Variants in SHISA6 observed in about 807,000 individuals in gnomAD.
The protein encoded by SHISA6 is shisa family member 6.
SHISA6 carries 22 observed loss-of-function variants against 47.9 expected under a neutral mutation model. The observed-to-expected ratio is 0.46, with a 90% CI of 0.33 to 0.66. The LOEUF is 0.66. SHISA6 is among the 30% of genes least tolerant of loss of function. The probability of loss-of-function intolerance (pLI) is 0.02; values close to 1 mark genes in which losing one functional copy is unlikely to be tolerated. For missense variants in SHISA6, 680 were observed against 764.6 expected, an observed-to-expected ratio of 0.89 and a Z score of 1.30; for synonymous variants, 388 against 337.8, an observed-to-expected ratio of 1.15 and a Z score of -1.63.
chr17:11,496,112 C>T (rs905222391), intron 3 of SHISA6, among the ~76,000 whole-genome samples: 2 of 152,182 alleles, frequency 1.3e-5, no homozygotes, highest in African/African-American at 4.8e-5. Flanking sequence ...AGTCTACTTG[C>T]AACTACACTT....
intron 3 of SHISA6, among the ~76,000 whole-genome samples, chr17:11,382,476 C>G (rs1462416967): frequency 6.6e-6 from 1 of 152,178 alleles, no homozygotes. Flanking sequence ...TCAGAGCAAA[C>G]TAAGTTCAAC....
At chr17:11,473,628 T>C (rs3111845) in intron 3 of SHISA6, among the ~76,000 whole-genome samples, 40,095 of 151,986 alleles carry the variant, frequency 0.26, 5,313 homozygotes, top group Admixed American at 0.3. Flanking sequence ...ATATATATCA[T>C]ATATTTATAT....
intron 2 of SHISA6, among the ~76,000 whole-genome samples, chr17:11,302,690 T>C (rs1048195616): frequency 5.9e-5 from 9 of 152,138 alleles, no homozygotes; most frequent in Non-Finnish European, 1.0e-4. Flanking sequence ...GCTTCCAACA[T>C]TGGAAGTCCT....
rs201214657 is a variant in SHISA6, at chr17:11,511,458, AAAAT to A, written c.896-40430_896-40427del. ...CCCAGAACTTAAAGTAAATTTTTAA[AAAAT>A]AAATAAACTGAATGAATAAATAACT... On this transcript the variant is annotated intron_variant, in intron 3 of 5. Transcript: ENST00000441885. 9.5e-3 allele frequency among the ~76,000 whole-genome samples: 1,451 copies of A among 152,284 alleles called. 27 individuals are homozygous for A. The highest frequency in any genetic ancestry group is 0.031 in the African/African-American group (1,303 of 41,546).
chr17:11,521,022 C>A (rs961455662), intron 3 of SHISA6, among the ~76,000 whole-genome samples: 8 of 152,202 alleles, frequency 5.3e-5, no homozygotes, highest in Non-Finnish European at 2.9e-5. Context: ...GCAATAAATA[C>A]TTGCTTGACA....
At chr17:11,466,422 C>G (rs946173265) in intron 3 of SHISA6, among the ~76,000 whole-genome samples, 1 of 152,122 alleles carries the variant, frequency 6.6e-6, no homozygotes, top group Admixed American at 6.5e-5. Context: ...CCAAGGTCCC[C>G]CAGTGGGCCC....
At chr17:11,329,619 G>A (rs968694625) in intron 2 of SHISA6, among the ~76,000 whole-genome samples, 2 of 152,044 alleles carry the variant, frequency 1.3e-5, no homozygotes, top group Non-Finnish European at 2.9e-5. Context: ...TTAGGTAAGG[G>A]TAGAGTTTGG....
chr17:11,245,052 G>A (rs897477970), intron 1 of SHISA6, among the ~76,000 whole-genome samples: 1 of 152,184 alleles, frequency 6.6e-6, no homozygotes, highest in Non-Finnish European at 1.5e-5. Flanking sequence ...CCTTCAGGGA[G>A]GAAGATATTT....
chr17:11,356,402 T>C (rs1912081079), intron 2 of SHISA6, among the ~76,000 whole-genome samples: 1 of 152,204 alleles, frequency 6.6e-6, no homozygotes, highest in Non-Finnish European at 1.5e-5. Context: ...CCAGAGCTGC[T>C]GTTTAGCAGA....
intron 3 of SHISA6, among the ~76,000 whole-genome samples, chr17:11,534,313 T>C (rs2071767065): frequency 1.3e-5 from 2 of 152,024 alleles, no homozygotes; most frequent in Non-Finnish European, 2.9e-5. Flanking sequence ...CGGCCTATTC[T>C]AACATTTTGA....
intron 2 of SHISA6, among the ~76,000 whole-genome samples, chr17:11,328,275 C>T (rs1400479940): frequency 6.6e-6 from 1 of 152,192 alleles, no homozygotes; most frequent in African/African-American, 2.4e-5. Context: ...CCTCTGTGGG[C>T]TTTGATCCCA....
intron 2 of SHISA6, among the ~76,000 whole-genome samples, chr17:11,368,961 T>C (rs1273560113): frequency 2.6e-5 from 4 of 152,204 alleles, no homozygotes; most frequent in Non-Finnish European, 5.9e-5. Flanking sequence ...GGCCGAATTA[T>C]TGTACTTAAT....
At chr17:11,325,604 T>C (rs1009613866) in intron 2 of SHISA6, among the ~76,000 whole-genome samples, 2 of 151,186 alleles carry the variant, frequency 1.3e-5, no homozygotes, top group African/African-American at 4.9e-5. Context: ...AAAGACAGCA[T>C]CAGGAAGTGA....
chr17:11,478,472 G>A (rs1916123807), intron 3 of SHISA6, among the ~76,000 whole-genome samples: 1 of 119,986 alleles, frequency 8.3e-6, no homozygotes, highest in Non-Finnish European at 1.7e-5. Flanking sequence ...TGCTTTTGGT[G>A]TTTTAGACAT....
intron 1 of SHISA6, among the ~76,000 whole-genome samples, chr17:11,260,681 A>G (rs1908200352): frequency 6.9e-6 from 1 of 145,674 alleles, no homozygotes; most frequent in Admixed American, 6.8e-5. Flanking sequence ...ACTTTCACTA[A>G]CTCTCTTCTC....
chr17:11,400,515 C>T (rs1035706963), intron 3 of SHISA6, among the ~76,000 whole-genome samples: 3 of 152,174 alleles, frequency 2.0e-5, no homozygotes, highest in African/African-American at 7.2e-5. Context: ...CCAGTATGAG[C>T]TTCTGTCAAC....
chr17:11,551,805 C>A, intron 3 of SHISA6, 91 bp from the exon 4 acceptor site: 2 of 1,136,478 alleles, frequency 1.8e-6, no homozygotes, highest in African/African-American at 1.5e-5. Context: ...GTCAGAGAAG[C>A]ACATTAGAGG....
intron 3 of SHISA6, among the ~76,000 whole-genome samples, chr17:11,517,486 A>G (rs1378360412): frequency 6.6e-6 from 1 of 152,134 alleles, no homozygotes; most frequent in East Asian, 1.9e-4. Context: ...TTTTTCTTTT[A>G]GCATAATGAA....
At chr17:11,526,884 T>TATATATATATAC (rs2071687894) in intron 3 of SHISA6, among the ~76,000 whole-genome samples, 2 of 1,252 alleles carry the variant, frequency 1.6e-3, no homozygotes, top group African/African-American at 8.9e-3. Flanking sequence ...TATCATCATA[T>TATATATATATAC]ATATATATAT....
Sources: allele counts gnomAD v4.1 joint callset (sites outside exome capture counted in the v4.1 genomes callset), GRCh38; gene constraint gnomAD v4.1.1; transcripts MANE v1.5; gene names NCBI Gene and HGNC (gene_info 2026-07-23, HGNC 2026-07-21).